GRID2: variants seen among roughly 807,000 people sequenced by gnomAD.
GRID2 encodes the protein glutamate ionotropic receptor delta type subunit 2, also known as glutamate receptor ionotropic, delta-2.
Under a neutral mutation model 114.8 loss-of-function variants are expected in GRID2, and 33 were observed. The observed-to-expected ratio is 0.29, with a 90% CI of 0.22 to 0.38. The LOEUF (loss-of-function observed/expected upper bound fraction) is 0.38, where lower values mean the gene tolerates loss of function less well. Among genes scored for constraint, GRID2 ranks in the 10% least tolerant of loss-of-function variants. The pLI, the probability that GRID2 is intolerant of heterozygous loss-of-function variation, is 1.00. For missense variants in GRID2, 1,184 were observed against 1,257.7 expected (o/e 0.94, Z 0.89); for synonymous variants, 505 against 449.9 (o/e 1.12, Z -1.55).
At chr4:93,007,705 G>T (rs1016430164) in intron 2 of GRID2, among the ~76,000 whole-genome samples, 3 of 152,040 alleles carry the variant, frequency 2.0e-5, no homozygotes, top group Admixed American at 2.0e-4. Flanking sequence ...TGATAAATAT[G>T]TTCTGACAAA....
intron 1 of GRID2, among the ~76,000 whole-genome samples, chr4:93,794,497 G>A (rs1379446453): frequency 6.6e-6 from 1 of 152,094 alleles, no homozygotes; most frequent in Non-Finnish European, 1.5e-5. Flanking sequence ...CAGGCGCCAC[G>A]GCACCTCCAC....
In GRID2 at chr4:92,751,719, AC is replaced by A. The variant is rs1481706253; in HGVS notation, c.244+161434del. On this transcript the variant is annotated intron_variant, in intron 2 of 15. Coordinates refer to ENST00000282020, the MANE Select transcript of GRID2 (RefSeq NM_001510.4). ...ACAGTTTCTAGACTTTTAAATACTA[AC>A]TTATACTATACTGTAATGATTTTTG... Among the ~76,000 whole-genome samples the A allele has an allele frequency of 3.3e-5, 5 of 152,324 alleles. No individual in the cohort carries two copies. In the East Asian group the frequency reaches 9.7e-4, roughly 29 times the overall value.
At chr4:92,535,474 G>C (rs1725572734) in intron 1 of GRID2, among the ~76,000 whole-genome samples, 4 of 151,980 alleles carry the variant, frequency 2.6e-5, no homozygotes, top group Admixed American at 6.6e-5. Context: ...TGTTAAATTT[G>C]GAATATATAA....
intron 13 of GRID2, among the ~76,000 whole-genome samples, chr4:93,519,919 T>A (rs1226981788): frequency 6.6e-6 from 1 of 152,156 alleles, no homozygotes; most frequent in African/African-American, 2.4e-5. Flanking sequence ...AAACTGGGCA[T>A]CAGGGCTGCA....
At chr4:92,682,548 G>A (rs1389500526) in intron 2 of GRID2, among the ~76,000 whole-genome samples, 2 of 152,078 alleles carry the variant, frequency 1.3e-5, no homozygotes, top group East Asian at 3.9e-4. Flanking sequence ...TTCAAACCCA[G>A]CCAAGGAAAA....
chr4:93,385,419 C>A (rs115093075), intron 8 of GRID2, among the ~76,000 whole-genome samples: 1 of 152,114 alleles, frequency 6.6e-6, no homozygotes, highest in African/African-American at 2.4e-5. Flanking sequence ...TGAAATAAAA[C>A]CTGCATGCCA....
intron 13 of GRID2, among the ~76,000 whole-genome samples, chr4:93,573,730 C>T (rs1363833075): frequency 6.6e-6 from 1 of 152,082 alleles, no homozygotes; most frequent in African/African-American, 2.4e-5. Context: ...AATTGGGAAT[C>T]ATAGATATCC....
intron 14 of GRID2, among the ~76,000 whole-genome samples, chr4:93,756,293 G>A (rs1732742758): frequency 6.6e-6 from 1 of 152,172 alleles, no homozygotes; most frequent in African/African-American, 2.4e-5. Flanking sequence ...TGGCCCCTAA[G>A]TGACACCCAT....
chr4:92,626,854 T>C (rs570130906), intron 2 of GRID2, among the ~76,000 whole-genome samples: 121 of 152,104 alleles, frequency 8.0e-4, no homozygotes, highest in African/African-American at 2.8e-3. Context: ...AAAATAGGTA[T>C]GGTTAATTTG....
chr4:93,111,639 C>T (rs1224989984), intron 4 of GRID2, among the ~76,000 whole-genome samples: 2 of 151,942 alleles, frequency 1.3e-5, no homozygotes, highest in Non-Finnish European at 2.9e-5. Context: ...TTTTGCCCCA[C>T]TTCAAGTTTT....
Position 92,471,127 on chromosome 4 carries a change from T to C in GRID2, c.89-119004T>C, listed in dbSNP as rs147071743. ...TTGCCTTTTGTATATATGAGCATCA[T>C]GTAAGAGCGAATGGTACAGTAAAAA... is the stretch of plus-strand genomic sequence containing the variant. On this transcript the variant is annotated intron_variant, in intron 1 of 15. Transcript: ENST00000282020. Among the ~76,000 whole-genome samples the C allele has an allele frequency of 4.3e-3, 658 of 152,152 alleles. 2 individuals carry two copies. Among genetic ancestry groups the C allele is most frequent in the Non-Finnish European group, 7.3e-3 (498 of 67,938 alleles).
chr4:92,335,970 A>G (rs988618445), intron 1 of GRID2, among the ~76,000 whole-genome samples: 1 of 152,192 alleles, frequency 6.6e-6, no homozygotes, highest in African/African-American at 2.4e-5. Flanking sequence ...ACACTGACAA[A>G]CTTACAAATG....
At chr4:93,462,630 C>T (rs755319689) in intron 11 of GRID2, among the ~76,000 whole-genome samples, 1 of 152,104 alleles carries the variant, frequency 6.6e-6, no homozygotes, top group Non-Finnish European at 1.5e-5. Flanking sequence ...GTCAGACATT[C>T]TTTTCTATTG....
intron 2 of GRID2, among the ~76,000 whole-genome samples, chr4:92,949,518 G>A (rs1019724029): frequency 1.3e-5 from 2 of 151,548 alleles, no homozygotes; most frequent in Non-Finnish European, 2.9e-5. Flanking sequence ...GTCTTCTAGC[G>A]GTAGAATTGA....
At position 92,943,540 on chromosome 4, in the gene GRID2, C is replaced by T. The variant is rs991962934; in HGVS notation, c.245-141455C>T. Reference sequence around the variant, plus strand: ...TGGGTTCGAACTTCCTCCTTTAGCTCGGAGTAGTTTGATCGTCTGAAGCCT... The same window carrying T: ...TGGGTTCGAACTTCCTCCTTTAGCTTGGAGTAGTTTGATCGTCTGAAGCCT... On this transcript the variant is annotated intron_variant, in intron 2 of 15. Coordinates refer to ENST00000282020, the MANE Select transcript of GRID2 (RefSeq NM_001510.4). 3.3e-5 allele frequency among the ~76,000 whole-genome samples: 5 copies of T among 151,888 alleles called. No homozygotes were observed. In the East Asian group the frequency reaches 9.7e-4, roughly 29 times the overall value.
intron 2 of GRID2, among the ~76,000 whole-genome samples, chr4:92,904,332 AAAT>A (rs1328900489): frequency 2.0e-5 from 3 of 149,822 alleles, no homozygotes; most frequent in Non-Finnish European, 4.5e-5. Context: ...TTATATAAAT[AAAT>A]AATAAAATAA....
intron 1 of GRID2, among the ~76,000 whole-genome samples, chr4:92,413,024 G>A (rs1023796027): frequency 2.0e-5 from 3 of 152,226 alleles, no homozygotes; most frequent in Admixed American, 2.0e-4. Context: ...ACATTGTACT[G>A]TACTAAATTT....
intron 14 of GRID2, among the ~76,000 whole-genome samples, chr4:93,681,586 A>T (rs751437985): frequency 2.8e-4 from 43 of 152,322 alleles, no homozygotes; most frequent in Non-Finnish European, 5.0e-4. Context: ...ACAGAGATAT[A>T]GATCAATGGA....
chr4:93,458,033 G>GAGT (rs1723371774), intron 11 of GRID2, among the ~76,000 whole-genome samples: 1 of 152,140 alleles, frequency 6.6e-6, no homozygotes, highest in Non-Finnish European at 1.5e-5. Context: ...AGATCACACA[G>GAGT]AGTAGTTGCT....
Sources: gnomAD v4.1 joint callset for allele counts (sites outside exome capture counted in the v4.1 genomes callset) on GRCh38, gnomAD v4.1.1 for gene constraint, MANE v1.5 for transcripts, NCBI Gene and HGNC (gene_info 2026-07-23, HGNC 2026-07-21) for gene names.